Variants in CSMD1 observed in about 807,000 individuals in gnomAD.
CSMD1 encodes the protein CUB and sushi domain-containing protein 1.
CSMD1 carries 213 observed loss-of-function variants against 417.5 expected under a neutral mutation model. That is an observed-to-expected ratio of 0.51 (90% CI 0.46 to 0.57). CSMD1 has a LOEUF of 0.57. Among genes scored for constraint, CSMD1 ranks in the 20% least tolerant of loss-of-function variants. The probability of loss-of-function intolerance (pLI) is 0.00; values close to 1 mark genes in which losing one functional copy is unlikely to be tolerated. For synonymous variants in CSMD1, 2,862 were observed against 1,736.8 expected (o/e 1.65, Z -16.11); for missense variants, 6,923 against 4,529.7 (o/e 1.53, Z -15.17).
chr8:4,448,078 T>G (rs1480137485), intron 2 of CSMD1, among the ~76,000 whole-genome samples: 1 of 152,222 alleles, frequency 6.6e-6, no homozygotes, highest in Non-Finnish European at 1.5e-5. Flanking sequence ...AGCTGTCCAG[T>G]GGAAATTCTG....
chr8:3,375,154 G>A (rs1362373424), intron 18 of CSMD1: 2 of 152,158 alleles, frequency 1.3e-5, no homozygotes, highest in African/African-American at 2.4e-5. Flanking sequence ...TTCTCCAACT[G>A]TGTTGAACTT....
At chr8:4,057,003 CA>C in intron 3 of CSMD1, among the ~76,000 whole-genome samples, 1 of 152,302 alleles carries the variant, frequency 6.6e-6, no homozygotes, top group East Asian at 1.9e-4. Flanking sequence ...CATACGTGTG[CA>C]TGTGTCTTTA....
intron 3 of CSMD1, among the ~76,000 whole-genome samples, chr8:4,082,452 G>T (rs1292458696): frequency 3.3e-5 from 5 of 152,132 alleles, no homozygotes; most frequent in East Asian, 1.9e-4. Context: ...GAAGGGCAAA[G>T]ATTGCCTAAG....
chr8:3,355,913 T>C (rs1372844190), intron 21 of CSMD1, among the ~76,000 whole-genome samples: 3 of 152,082 alleles, frequency 2.0e-5, no homozygotes, highest in Admixed American at 6.5e-5. Flanking sequence ...AGCATTGAGG[T>C]TGAATACCCA....
In CSMD1 at chr8:4,837,804, A is replaced by T. The variant is rs183170106; in HGVS notation, c.85+156528T>A. On this transcript the variant is annotated intron_variant, in intron 1 of 69. Transcript: ENST00000635120. ...GATAAATGCCGGCTGGGATGGATATATCGTTCCCCATGATGCACTTATTTG... is the reference window on the plus strand; with the variant it reads ...GATAAATGCCGGCTGGGATGGATATTTCGTTCCCCATGATGCACTTATTTG... 5.7e-3 allele frequency among the ~76,000 whole-genome samples: 863 copies of T among 152,316 alleles called. 5 individuals carry two copies. The highest frequency in any genetic ancestry group is 0.019 in the African/African-American group (781 of 41,556).
At chr8:4,347,540 C>T (rs986010749) in intron 3 of CSMD1, among the ~76,000 whole-genome samples, 1 of 152,148 alleles carries the variant, frequency 6.6e-6, no homozygotes, top group African/African-American at 2.4e-5. Flanking sequence ...ATAAGGCTGT[C>T]TCAACAGAAA....
At chr8:4,737,833 G>C (rs1810346194) in intron 1 of CSMD1, among the ~76,000 whole-genome samples, 3 of 152,202 alleles carry the variant, frequency 2.0e-5, no homozygotes, top group Admixed American at 2.0e-4. Context: ...CATATGGTAG[G>C]AAAGGGAGGA....
At chr8:3,010,275 G>C (rs1808282567) in intron 52 of CSMD1, among the ~76,000 whole-genome samples, 1 of 152,172 alleles carries the variant, frequency 6.6e-6, no homozygotes, top group Non-Finnish European at 1.5e-5. Flanking sequence ...ACTGTGTTTT[G>C]TTTTAGATGT....
intron 7 of CSMD1, among the ~76,000 whole-genome samples, chr8:3,668,001 T>C (rs1798791405): frequency 6.6e-6 from 1 of 152,274 alleles, no homozygotes; most frequent in Middle Eastern, 3.4e-3. Flanking sequence ...TATGAGTGTC[T>C]GTGCGCCTCA....
chr8:3,479,889 G>A (rs1236584743), intron 11 of CSMD1, among the ~76,000 whole-genome samples: 3 of 151,788 alleles, frequency 2.0e-5, no homozygotes, highest in Non-Finnish European at 4.4e-5. Context: ...TCTAAGTAAA[G>A]AAATAAGTTA....
In CSMD1 at chr8:4,128,068, A is replaced by G. The variant is rs1267388228; in HGVS notation, c.416-95969T>C. ...TATAACATCTCAAGAGCAGTGGACA[A>G]GACCTCAAAATGGTTCCTCAACAGT... On this transcript the variant is annotated intron_variant, in intron 3 of 69. Coordinates refer to ENST00000635120, the MANE Select transcript of CSMD1 (RefSeq NM_033225.6). Among the ~76,000 whole-genome samples, 4 of 152,188 alleles carry G rather than the reference A, an allele frequency of 2.6e-5. No homozygotes were observed. The Middle Eastern group carries it at 9.5e-3, about 361-fold the overall frequency.
intron 2 of CSMD1, among the ~76,000 whole-genome samples, chr8:4,459,034 T>C (rs1296421846): frequency 6.6e-6 from 1 of 152,146 alleles, no homozygotes; most frequent in African/African-American, 2.4e-5. Context: ...CTTCCCCTTA[T>C]CTCCAATCTA....
chr8:4,176,693 T>C (rs1199943159), intron 3 of CSMD1, among the ~76,000 whole-genome samples: 1 of 150,796 alleles, frequency 6.6e-6, no homozygotes, highest in African/African-American at 2.4e-5. Context: ...CCATCTCACG[T>C]GCAGAGACAC....
intron 68 of CSMD1, among the ~76,000 whole-genome samples, chr8:2,945,378 G>A (rs1802153025): frequency 6.6e-6 from 1 of 152,126 alleles, no homozygotes; most frequent in South Asian, 2.1e-4. Flanking sequence ...AAGGTGTGTA[G>A]TATTCTACTG....
chr8:4,516,174 C>T (rs1243540718), intron 2 of CSMD1, among the ~76,000 whole-genome samples: 1 of 151,936 alleles, frequency 6.6e-6, no homozygotes, highest in Non-Finnish European at 1.5e-5. Context: ...ATGACTGGTG[C>T]CTCCTAATAA....
At chr8:4,407,201 G>T (rs566206692) in intron 3 of CSMD1, among the ~76,000 whole-genome samples, 5 of 152,306 alleles carry the variant, frequency 3.3e-5, no homozygotes, top group South Asian at 2.1e-4. Context: ...TCTTTAGAGT[G>T]ATCACCCCTG....
chr8:4,989,203 A>G (rs1811335215), intron 1 of CSMD1, among the ~76,000 whole-genome samples: 1 of 152,094 alleles, frequency 6.6e-6, no homozygotes. Context: ...GGATTAATTC[A>G]TTTCAGTAGA....
intron 3 of CSMD1, among the ~76,000 whole-genome samples, chr8:4,048,999 G>C (rs559725546): frequency 6.6e-6 from 1 of 152,160 alleles, no homozygotes; most frequent in Admixed American, 6.5e-5. Context: ...GATACAAAGA[G>C]GTGATGTTAA....
At chr8:3,709,745 C>T (rs925226219) in intron 6 of CSMD1, among the ~76,000 whole-genome samples, 6 of 123,726 alleles carry the variant, frequency 4.8e-5, no homozygotes, top group East Asian at 2.7e-4. Flanking sequence ...GCTAAAACAC[C>T]GGCTTTCCTG....
Sources: allele counts gnomAD v4.1 joint callset (sites outside exome capture counted in the v4.1 genomes callset), GRCh38; gene constraint gnomAD v4.1.1; transcripts MANE v1.5; gene names NCBI Gene and HGNC (gene_info 2026-07-23, HGNC 2026-07-21).